The following TIAM2 variants were observed in gnomAD, a reference collection of about 807,000 sequenced individuals.
TIAM2 encodes TIAM Rac1 associated GEF 2, also known as rho guanine nucleotide exchange factor TIAM2.
TIAM2 carries 80 observed loss-of-function variants against 152.9 expected under a neutral mutation model. The observed-to-expected ratio is 0.52, with a 90% CI of 0.44 to 0.63. The LOEUF is 0.63. Among genes scored for constraint, TIAM2 ranks in the 30% least tolerant of loss-of-function variants. The probability of loss-of-function intolerance (pLI) is 0.00; values close to 1 mark genes in which losing one functional copy is unlikely to be tolerated. For missense variants in TIAM2, 1,965 were observed against 2,120.1 expected (o/e 0.93, Z 1.44); for synonymous variants, 804 against 838.0 (o/e 0.96, Z 0.70).
chr6:155,029,478 ATATATACT>A, intron 1 of TIAM2, among the ~76,000 whole-genome samples: 3 of 23,442 alleles, frequency 1.3e-4, no homozygotes, highest in African/African-American at 8.0e-4. Context: ...ATACTATAGT[ATATATACT>A]ATAGTATATA....
At position 155,213,500 on chromosome 6, in the gene TIAM2, G is replaced by C. The variant is rs1331001642; in HGVS notation, c.3168+2193G>C. Among the ~76,000 whole-genome samples, 1 of 152,184 alleles carries C rather than the reference G, an allele frequency of 6.6e-6. No individual in the cohort carries two copies. The highest frequency in any genetic ancestry group is 1.5e-5 in the Non-Finnish European group (1 of 68,022). On this transcript the variant is annotated intron_variant, in intron 15 of 26. Transcript: ENST00000682666. This position sits in a 1 kb window ranked among gnomAD's most constrained non-coding sequence, Gnocchi z 4.2. ...TCTGGCTGAGTCCAGGGCTCAGAGGGGTGGAAATGTGCACTGATTGGTCCA... is the reference window on the plus strand; with the variant it reads ...TCTGGCTGAGTCCAGGGCTCAGAGGCGTGGAAATGTGCACTGATTGGTCCA...
intron 9 of TIAM2, chr6:155,168,959 T>A (rs2115109035): frequency 1.4e-6 from 2 of 1,437,550 alleles, no homozygotes; most frequent in East Asian, 5.0e-5. Flanking sequence ...TTTACATGAA[T>A]GACACAAATG....
At chr6:155,015,748 C>T (rs1292129850) in intron 1 of TIAM2, among the ~76,000 whole-genome samples, 1 of 151,730 alleles carries the variant, frequency 6.6e-6, no homozygotes, top group African/African-American at 2.4e-5. Context: ...ACCAGCCTGG[C>T]CAACATGGTG....
At chr6:155,180,427 G>A (rs572661904) in intron 12 of TIAM2, among the ~76,000 whole-genome samples, 15 of 152,176 alleles carry the variant, frequency 9.9e-5, no homozygotes, top group African/African-American at 3.6e-4. Flanking sequence ...ATAATGATTG[G>A]TAAATACCTC....
Position 155,028,143 on chromosome 6 carries a change from T to G in TIAM2, c.-209+32651T>G, listed in dbSNP as rs1227937239. Among the ~76,000 whole-genome samples, 39 of 102,584 alleles carry G rather than the reference T, an allele frequency of 3.8e-4. 6 individuals are homozygous for G. The highest frequency in any genetic ancestry group is 1.8e-3 in the African/African-American group (39 of 21,852). The allele number at this position is 102,584 out of a possible 152,430, so 67.3% of individuals were successfully genotyped here. ...TTACATATATACTATATATAATATA[T>G]GTACTGTTACATATATACTACATAT... On this transcript the variant is annotated intron_variant, in intron 1 of 26. Transcript: ENST00000682666.
At chr6:155,035,689 C>A (rs773085814) in intron 1 of TIAM2, among the ~76,000 whole-genome samples, 4 of 152,144 alleles carry the variant, frequency 2.6e-5, no homozygotes, top group Non-Finnish European at 4.4e-5. Context: ...TAATTGAGAT[C>A]CAGTAGAGGC....
At chr6:155,072,997 T>C (rs9480043) in intron 1 of TIAM2, among the ~76,000 whole-genome samples, 115,728 of 151,986 alleles carry the variant, frequency 0.76, 44,598 homozygotes, top group African/African-American at 0.87. Flanking sequence ...TTAAAATCCA[T>C]ATTTGCTATT....
intron 1 of TIAM2, among the ~76,000 whole-genome samples, chr6:155,037,025 C>T (rs1206331008): frequency 6.6e-6 from 1 of 152,178 alleles, no homozygotes; most frequent in Non-Finnish European, 1.5e-5. Flanking sequence ...TTCAGTTTCC[C>T]TTCACCTAAT....
At chr6:155,064,032 C>A (rs1041166609) in intron 1 of TIAM2, among the ~76,000 whole-genome samples, 1 of 152,034 alleles carries the variant, frequency 6.6e-6, no homozygotes, top group Admixed American at 6.6e-5. Flanking sequence ...AAGCTTAGGA[C>A]AGAGGATAGA....
intron 14 of TIAM2, among the ~76,000 whole-genome samples, chr6:155,198,837 C>T (rs1290375053): frequency 6.6e-6 from 1 of 152,102 alleles, no homozygotes; most frequent in Non-Finnish European, 1.5e-5. Context: ...GAGCCGAGGT[C>T]TCCATCAGTG....
At chr6:155,163,966 G>GTTT (rs35722028) in intron 7 of TIAM2, among the ~76,000 whole-genome samples, 2 of 145,728 alleles carry the variant, frequency 1.4e-5, no homozygotes, top group Admixed American at 6.9e-5. Flanking sequence ...AGTGCATTTT[G>GTTT]TTTTTTTTTT....
chr6:155,208,056 C>T (rs1781634874), intron 14 of TIAM2, among the ~76,000 whole-genome samples: 1 of 152,130 alleles, frequency 6.6e-6, no homozygotes, highest in South Asian at 2.1e-4. Context: ...GACTCAAGGT[C>T]TTGTTCATCT....
chr6:155,254,368 C>T, intron 25 of TIAM2, 51 bp from the exon 26 acceptor site: 1 of 1,588,396 alleles, frequency 6.3e-7, no homozygotes, highest in South Asian at 1.1e-5. Context: ...GGAATGGAAG[C>T]ACGATGAACA....
intron 14 of TIAM2, 60 bp downstream of exon 14, chr6:155,183,560 C>T (rs1420171781): frequency 1.3e-5 from 20 of 1,523,644 alleles, no homozygotes; most frequent in Non-Finnish European, 1.6e-5. Context: ...TATTTTTAGG[C>T]TGTAATTTTG....
intron 3 of TIAM2, among the ~76,000 whole-genome samples, chr6:155,127,973 C>A (rs932712326): frequency 1.3e-5 from 2 of 152,102 alleles, no homozygotes; most frequent in Admixed American, 6.5e-5. Context: ...TTGAAACCAG[C>A]CTGGGCAACA....
At chr6:155,191,107 A>G (rs566738790) in intron 14 of TIAM2, among the ~76,000 whole-genome samples, 53 of 152,356 alleles carry the variant, frequency 3.5e-4, no homozygotes, top group African/African-American at 1.2e-3. Flanking sequence ...CGCATGGTAC[A>G]AAATGCCAGC....
intron 9 of TIAM2, among the ~76,000 whole-genome samples, chr6:155,169,772 A>G (rs1394567888): frequency 2.0e-5 from 3 of 152,004 alleles, no homozygotes; most frequent in African/African-American, 4.8e-5. Flanking sequence ...CCTTTTTCAA[A>G]CCCACAACAT....
intron 7 of TIAM2, among the ~76,000 whole-genome samples, chr6:155,153,075 G>A (rs987490488): frequency 6.6e-6 from 1 of 151,992 alleles, no homozygotes; most frequent in African/African-American, 2.4e-5. Flanking sequence ...TATCACTTGT[G>A]GTCCATTATC....
chr6:155,121,752 G>A (rs1171856053), intron 2 of TIAM2, among the ~76,000 whole-genome samples: 1 of 152,120 alleles, frequency 6.6e-6, no homozygotes, highest in Non-Finnish European at 1.5e-5. Context: ...GAAGCCTGTT[G>A]GTATCTCCTG....
Sources: allele counts gnomAD v4.1 joint callset (sites outside exome capture counted in the v4.1 genomes callset), GRCh38; gene constraint gnomAD v4.1.1; non-coding constraint Gnocchi (gnomAD v3.1); transcripts MANE v1.5; gene names NCBI Gene and HGNC (gene_info 2026-07-23, HGNC 2026-07-21).